Variants in CXXC1 observed in about 807,000 individuals in gnomAD.
CXXC1 encodes CXXC-type zinc finger protein 1.
In CXXC1, 21 loss-of-function variants were observed where a neutral mutation model predicts 83.6. That is an observed-to-expected ratio of 0.25 (90% CI 0.18 to 0.36). The LOEUF (loss-of-function observed/expected upper bound fraction) is 0.36, where lower values mean the gene tolerates loss of function less well. CXXC1 is among the 10% of genes least tolerant of loss of function. The probability of loss-of-function intolerance (pLI) is 1.00; values close to 1 mark genes in which losing one functional copy is unlikely to be tolerated. For missense variants in CXXC1, 688 were observed against 919.5 expected (o/e 0.75, Z 3.26); for synonymous variants, 371 against 337.5 (o/e 1.10, Z -1.09).
intron 1 of CXXC1, among the ~76,000 whole-genome samples, chr18:50,287,271 T>TC (rs2040729581): frequency 6.6e-6 from 1 of 151,916 alleles, no homozygotes; most frequent in Admixed American, 6.6e-5. Context: ...GGACACGGAC[T>TC]CCTCGTCACG....
rs2040692405 is a variant in CXXC1, at chr18:50,285,130, C to T, written c.784G>A (p.Ala262Thr). ...GGAGGCTCCTTGACTGTTGATGACG[C>T]CACTGCCCCCTCATCTTCACGGATG... ...GRIREDEGAVASSTVKEPPEA... is the reference protein window; with the variant it reads ...GRIREDEGAVTSSTVKEPPEA... Residue 262 changes from alanine (A) to threonine (T), a missense_variant, in exon 7 of 15, where the codon GCG becomes ACG. By Grantham distance (58) the Ala-to-Thr change is moderately conservative. This residue lies in a region of CXXC1 where 190 missense variants were observed against 199.7 expected (regional missense o/e 0.95). Transcript: ENST00000285106. This position sits in a 1 kb window ranked among gnomAD's most constrained non-coding sequence, Gnocchi z 4.4. The T allele has an allele frequency of 6.2e-7, 1 of 1,614,076 alleles. No homozygotes were observed. Among genetic ancestry groups the T allele is most frequent in the Non-Finnish European group, 8.5e-7 (1 of 1,180,044 alleles).
chr18:50,287,154 T>C (rs2040727767), intron 1 of CXXC1: 2 of 520,966 alleles, frequency 3.8e-6, no homozygotes, highest in African/African-American at 1.9e-5. Flanking sequence ...CCCGCGTAAC[T>C]CACTGCGGAC....
At position 50,286,227 on chromosome 18, in the gene CXXC1, C is replaced by T. The variant is rs777686372; in HGVS notation, c.254G>A (p.Arg85Gln). 6 of 1,611,130 alleles carry T rather than the reference C, an allele frequency of 3.7e-6. No homozygotes were observed. The highest frequency in any genetic ancestry group is 1.1e-5 in the South Asian group (1 of 90,964). ...ATCCCGCTCCCGTGACTTCTTGTGC[C>T]GATAGCGAATCTCTAGCTTGGGGTC... The part of the protein sequence containing the change: ...EKDPKLEIRY[R>Q]HKKSRERDGN... The change falls in exon 4 of 15, where the codon CGG becomes CAG. Residue 85 changes from arginine to glutamine, a missense_variant. This residue lies in a region of CXXC1 where 142 missense variants were observed against 150.7 expected (regional missense o/e 0.94). Transcript: ENST00000285106.
At chr18:50,287,346 C>T (rs1286408352) in intron 1 of CXXC1, 1 of 556,164 alleles carries the variant, frequency 1.8e-6, no homozygotes. Flanking sequence ...TAAGAACCCC[C>T]GATCATGGTT....
chr18:50,284,142 CAGTA>C (rs2040674670), intron 9 of CXXC1, 41 bp from the exon 10 acceptor site: 1 of 1,578,942 alleles, frequency 6.3e-7, no homozygotes, highest in African/African-American at 1.3e-5. Flanking sequence ...GTGAGGTGAT[CAGTA>C]AGTGAGAATG....
Position 50,283,584 on chromosome 18 carries a change from T to C in CXXC1, c.1525-20A>G. ...CTCATACTGGAGGGATGAGCACAAA[T>C]GGAGGGAACTGTGGATGTGCGCTGC... On this transcript the variant is annotated intron_variant, in intron 11 of 14. Transcript: ENST00000285106. 9 of 1,613,682 alleles carry C rather than the reference T, an allele frequency of 5.6e-6. No homozygotes were observed. The highest frequency in any genetic ancestry group is 1.1e-5 in the South Asian group (1 of 91,056).
chr18:50,284,623 T>C (rs1355146092), intron 8 of CXXC1, 61 bp from the exon 9 acceptor site: 1 of 1,597,136 alleles, frequency 6.3e-7, no homozygotes, highest in Non-Finnish European at 8.5e-7. Context: ...CCCCAGACCC[T>C]TGCTCCATTC....
Position 50,282,930 on chromosome 18 carries a change from G to A in CXXC1, c.1748C>T (p.Pro583Leu). ...GTAATGGCGATTGCACTGGCGCTTG[G>A]GCAGGCGGCAGAAGTCACCCGTGAG... ...FELTGDFCRL[P>L]KRQCNRHYCW... is the part of the protein sequence containing the mutation. The change falls in exon 14 of 15, where the codon CCC (proline) becomes CTC (leucine). Residue 583 changes from proline (P) to leucine (L), a missense_variant. Around this residue, in one of 9 missense-constraint regions of CXXC1, gnomAD observed 114 missense variants for 173.3 expected, o/e 0.66. Coordinates refer to ENST00000285106, the MANE Select transcript of CXXC1 (RefSeq NM_014593.4). This position sits in a 1 kb window ranked among gnomAD's most constrained non-coding sequence, Gnocchi z 5.8. The A allele has an allele frequency of 6.2e-7, 1 of 1,614,206 alleles. No homozygotes were observed. Among genetic ancestry groups the A allele is most frequent in the Non-Finnish European group, 8.5e-7 (1 of 1,180,048 alleles).
intron 2 of CXXC1, 43 bp downstream of exon 2, chr18:50,286,697 C>T: frequency 9.3e-6 from 15 of 1,609,608 alleles, no homozygotes; most frequent in Non-Finnish European, 1.3e-5. Flanking sequence ...CGGCCTCACC[C>T]CACCCTGCCA....
Position 50,282,581 on chromosome 18 carries a change from G to C in CXXC1, c.*12C>G. The C allele has an allele frequency of 1.2e-6, 2 of 1,605,816 alleles. No homozygotes were observed. Among genetic ancestry groups the C allele is most frequent in the Non-Finnish European group, 1.7e-6 (2 of 1,179,932 alleles). ...CTGGAATGCAGGGTGTAAGGGGTCCGGGCCAGGAGGCTCAGCGGTCGGCAC... is the reference window on the plus strand; with the variant it reads ...CTGGAATGCAGGGTGTAAGGGGTCCCGGCCAGGAGGCTCAGCGGTCGGCAC... On this transcript the variant is annotated 3_prime_UTR_variant, in exon 15 of 15. Transcript: ENST00000285106. The surrounding 1 kb of genome is among the most constrained non-coding windows in gnomAD (Gnocchi z 5.8).
intron 2 of CXXC1, 25 bp downstream of exon 2, chr18:50,286,715 C>T (rs757739093): frequency 6.2e-7 from 1 of 1,609,966 alleles, no homozygotes; most frequent in African/African-American, 1.3e-5. Flanking sequence ...CCAGTGTCAG[C>T]CCCGCCCATC....
In CXXC1 at chr18:50,282,630, G is replaced by A; in HGVS notation, c.1934C>T (p.Pro645Leu). 1 of 1,612,114 alleles carries A rather than the reference G, an allele frequency of 6.2e-7. No individual in the cohort carries two copies. Among genetic ancestry groups the A allele is most frequent in the Non-Finnish European group, 8.5e-7 (1 of 1,180,024 alleles). The change falls in exon 15 of 15, where the codon CCC becomes CTC. Residue 645 changes from proline to leucine, a missense_variant. Coordinates refer to ENST00000285106, the MANE Select transcript of CXXC1 (RefSeq NM_014593.4). This position sits in a 1 kb window ranked among gnomAD's most constrained non-coding sequence, Gnocchi z 5.8. ...ACTGGAGCGCAGGTCGGTAGTGAGG[G>A]GATCGTGCTGGATCGTCTGGTGCAG... Reference protein sequence around the residue: ...LMLHQTIQHDPLTTDLRSSAD... With the variant: ...LMLHQTIQHDLLTTDLRSSAD...
Position 50,287,633 on chromosome 18 carries a change from C to CGGT in CXXC1, c.-45_-44insACC. 1 of 1,608,498 alleles carries CGGT rather than the reference C, an allele frequency of 6.2e-7. No individual in the cohort carries two copies. The highest frequency in any genetic ancestry group is 8.5e-7 in the Non-Finnish European group (1 of 1,179,734). On this transcript the variant is annotated 5_prime_UTR_variant, in exon 1 of 15. Coordinates refer to ENST00000285106, the MANE Select transcript of CXXC1 (RefSeq NM_014593.4). ...CTCCCTCACGACCCCCGCCAGCGAC[C>CGGT]CGCGAACCTGCACAGACCACTCGGC...
In CXXC1 at chr18:50,283,329, G is replaced by A. The variant is rs368281485; in HGVS notation, c.1607C>T (p.Pro536Leu). The A allele has an allele frequency of 1.2e-5, 20 of 1,613,956 alleles. No homozygotes were observed. Among genetic ancestry groups the A allele is most frequent in the Non-Finnish European group, 1.5e-5 (18 of 1,180,016 alleles). ...CCGCTTACAGTATGTTTTGCTCTGA[G>A]GATTATACACATCACAGAAGAGTCG... ...ATRLFCDVYN[P>L]QSKTYCKRLQ... Residue 536 changes from proline (P) to leucine (L), a missense_variant, in exon 13 of 15, where the codon CCT becomes CTT. Physicochemically the swap from Pro to Leu is moderately conservative, Grantham distance 98. This residue lies in a region of CXXC1 where 114 missense variants were observed against 173.3 expected (regional missense o/e 0.66). Transcript: ENST00000285106.
Position 50,285,530 on chromosome 18 carries a change from C to A in CXXC1, c.640-179G>T, listed in dbSNP as rs574717447. The A allele has an allele frequency of 1.0e-6, 1 of 955,322 alleles. No individual in the cohort carries two copies. Among genetic ancestry groups the A allele is most frequent in the African/African-American group, 1.7e-5 (1 of 60,386 alleles). 59.2% of individuals were successfully genotyped at this position (955,322 alleles called of 1,614,324 possible). ...AACATGCATGACCACCTGAAAACAC[C>A]TGGCCCCACTCTGTCTACCCAGGGT... is the stretch of plus-strand genomic sequence containing the variant. On this transcript the variant is annotated intron_variant, in intron 5 of 14. Transcript: ENST00000285106. The surrounding 1 kb of genome is among the most constrained non-coding windows in gnomAD (Gnocchi z 4.4).
In CXXC1 at chr18:50,285,572, C is replaced by G. The variant is rs557672880; in HGVS notation, c.639+177G>C. On this transcript the variant is annotated intron_variant, in intron 5 of 14. Coordinates refer to ENST00000285106, the MANE Select transcript of CXXC1 (RefSeq NM_014593.4). The surrounding 1 kb of genome is among the most constrained non-coding windows in gnomAD (Gnocchi z 4.4). ...ACCCAGGGTTGGTGGGGGTGTTCTG[C>G]CAGCCCAGCATACCAGGTCATGCCC... 1.0e-6 allele frequency: 1 copy of G among 998,428 alleles called. No homozygotes were observed. The highest frequency in any genetic ancestry group is 1.6e-5 in the African/African-American group (1 of 61,378). 61.8% of individuals were successfully genotyped at this position (998,428 alleles called of 1,614,324 possible).
In CXXC1 at chr18:50,284,070, G is replaced by A. The variant is rs1310204630; in HGVS notation, c.1237C>T (p.Gln413Ter). The A allele has an allele frequency of 6.2e-7, 1 of 1,609,492 alleles. No homozygotes were observed. The highest frequency in any genetic ancestry group is 2.2e-5 in the East Asian group (1 of 44,840). ...RIYEILPQRI[Q>*]QWQQSPCIAE... ...ATGCAAGGGCTCTGCTGCCACTGCT[G>A]GATGCGCTGGGGGAGGATCTCGTAG... is the stretch of plus-strand genomic sequence containing the variant. Residue 413 changes from glutamine to a stop codon, truncating the protein, a stop_gained, in exon 10 of 15, where the codon CAG becomes TAG. Coordinates refer to ENST00000285106, the MANE Select transcript of CXXC1 (RefSeq NM_014593.4). LOFTEE classifies it high-confidence loss of function.
At chr18:50,287,285 C>T in intron 1 of CXXC1, 1 of 520,104 alleles carries the variant, frequency 1.9e-6, no homozygotes, top group South Asian at 2.5e-5. Flanking sequence ...CGTCACGGCT[C>T]ACTACAGACC....
In CXXC1 at chr18:50,287,225, G is replaced by A. The variant is rs117569754; in HGVS notation, c.3+362C>T. ...TATCTCATAGACCCACCTGGCACCC[G>A]CACCCACCCCCAGTCGCGGCTGTCC... On this transcript the variant is annotated intron_variant, in intron 1 of 14. Coordinates refer to ENST00000285106, the MANE Select transcript of CXXC1 (RefSeq NM_014593.4). 8.5e-3 allele frequency: 4,124 copies of A among 487,320 alleles called. 115 individuals are homozygous for A. The highest frequency in any genetic ancestry group is 0.071 in the East Asian group (2,060 of 29,164). The allele number at this position is 487,320 out of a possible 1,614,324, so 30.2% of individuals were successfully genotyped here.
Sources: gnomAD v4.1 joint callset for allele counts (sites outside exome capture counted in the v4.1 genomes callset) on GRCh38, gnomAD v4.1.1 for gene constraint, gnomAD v4.1.1 regional missense constraint, Gnocchi (gnomAD v3.1) non-coding constraint, MANE v1.5 for transcripts, NCBI Gene and HGNC (gene_info 2026-07-23, HGNC 2026-07-21) for gene names.